Variants in BTK observed in about 807,000 individuals in gnomAD.
The protein encoded by BTK is Bruton tyrosine kinase, also known as tyrosine-protein kinase BTK.
BTK carries 5 observed loss-of-function variants against 57.4 expected under a neutral mutation model. That is an observed-to-expected ratio of 0.09 (90% CI 0.05 to 0.18). The LOEUF is 0.18. Ranked by LOEUF, BTK falls within the 10% of genes least tolerant of loss-of-function variation. The pLI, the probability that BTK is intolerant of heterozygous loss-of-function variation, is 1.00. For synonymous variants in BTK, 154 were observed against 174.3 expected, an observed-to-expected ratio of 0.88 and a Z score of 0.92; for missense variants, 194 against 501.2, an observed-to-expected ratio of 0.39 and a Z score of 5.85.
At position 101,352,481 on chromosome X, in the gene BTK, A is replaced by G. The variant is rs1926322453; in HGVS notation, c.1908+713T>C. ...CAGGCCAAGGTCAGAGAATGTGTGC[A>G]AGGCCTGGCGTGGTGGTTGATGCCT... is the stretch of plus-strand genomic sequence containing the variant. On this transcript the variant is annotated intron_variant, in intron 18 of 18. Transcript: ENST00000308731. Among the ~76,000 whole-genome samples, 8 of 111,392 alleles carry G rather than the reference A, an allele frequency of 7.2e-5. 1 individual carries two copies. The South Asian group carries it at 3.0e-3, about 42-fold the overall frequency.
intron 5 of BTK, among the ~76,000 whole-genome samples, chrX:101,365,036 G>A (rs1001833121): frequency 9.0e-6 from 1 of 111,475 alleles, no homozygotes; most frequent in Admixed American, 9.5e-5. Flanking sequence ...GAGCCACCAC[G>A]CCCAGCCCCT....
intron 18 of BTK, among the ~76,000 whole-genome samples, chrX:101,352,111 C>T (rs1006811524): frequency 6.8e-5 from 7 of 102,521 alleles, no homozygotes; most frequent in Non-Finnish European, 1.4e-4. Context: ...TGCGGTGAGC[C>T]GAGATCACGC....
At chrX:101,385,443 C>A (rs1455909635) in intron 1 of BTK, among the ~76,000 whole-genome samples, 2 of 112,258 alleles carry the variant, frequency 1.8e-5, no homozygotes, top group Non-Finnish European at 3.8e-5. Context: ...CTGGCCCAGT[C>A]TTTTACCCAT....
chrX:101,376,613 G>A (rs782767327), intron 1 of BTK, among the ~76,000 whole-genome samples: 1 of 110,797 alleles, frequency 9.0e-6, no homozygotes, highest in South Asian at 3.8e-4. Context: ...GGCAACAAGA[G>A]CGAAACTCCG....
upstream of BTK, among the ~76,000 whole-genome samples, chrX:101,388,845 G>A (rs1208062340): frequency 8.9e-6 from 1 of 111,909 alleles, no homozygotes; most frequent in East Asian, 2.8e-4. Context: ...TATCTAGACA[G>A]AGGAAGGTAA....
intron 2 of BTK, 149 bp from the exon 3 acceptor site, chrX:101,374,783 A>G (rs1927153965): frequency 1.1e-5 from 6 of 524,835 alleles, no homozygotes; most frequent in African/African-American, 6.9e-5. Flanking sequence ...TTCCAGATCT[A>G]TAAATCTATG....
chrX:101,367,571 G>C (rs1926897053), intron 5 of BTK, among the ~76,000 whole-genome samples: 1 of 109,617 alleles, frequency 9.1e-6, no homozygotes, highest in Non-Finnish European at 1.9e-5. Flanking sequence ...GGGAGGCGGA[G>C]GTTGCAGTGA....
chrX:101,382,041 A>G (rs1168557513), intron 1 of BTK, among the ~76,000 whole-genome samples: 3 of 108,481 alleles, frequency 2.8e-5, no homozygotes, highest in Non-Finnish European at 5.7e-5. Context: ...CAAAAAAAAA[A>G]AAAAAGAAAA....
Position 101,353,138 on chromosome X carries a change from T to C in BTK, c.1908+56A>G, listed in dbSNP as rs371003927. On this transcript the variant is annotated intron_variant, in intron 18 of 18. Transcript: ENST00000308731. ...AGTCTTTGGTGGCTGAATGGCCAGCTAAATGGGCAAGTAGATTCAAGGAAA... is the reference window on the plus strand; with the variant it reads ...AGTCTTTGGTGGCTGAATGGCCAGCCAAATGGGCAAGTAGATTCAAGGAAA... The C allele has an allele frequency of 1.4e-4, 159 of 1,117,512 alleles. 1 individual carries two copies. In the East Asian group the frequency reaches 3.6e-3, roughly 25 times the overall value. The allele number at this position is 1,117,512 out of a possible 1,213,427, so 92.1% of individuals were successfully genotyped here.
Position 101,375,754 on chromosome X carries a change from C to T in BTK, c.-30-440G>A, listed in dbSNP as rs782299444. 9.9e-4 allele frequency among the ~76,000 whole-genome samples: 111 copies of T among 112,038 alleles called. 1 individual carries two copies. Among genetic ancestry groups the T allele is most frequent in the Admixed American group, 5.3e-3 (56 of 10,492 alleles). On this transcript the variant is annotated intron_variant, in intron 1 of 18. Coordinates refer to ENST00000308731, the MANE Select transcript of BTK (RefSeq NM_000061.3). ...GAACTCCACTGAGGCAGATATTGGA[C>T]TTTCAGTTCCCAATTTCCTAGACGG...
chrX:101,369,030 A>G (rs144435099), intron 5 of BTK, among the ~76,000 whole-genome samples: 1 of 112,469 alleles, frequency 8.9e-6, no homozygotes, highest in Non-Finnish European at 1.9e-5. Flanking sequence ...CAGTCACTTG[A>G]CATGTGGCTA....
intron 3 of BTK, 106 bp downstream of exon 3, chrX:101,374,430 C>G (rs1927139264): frequency 1.5e-6 from 1 of 653,572 alleles, no homozygotes; most frequent in Non-Finnish European, 2.5e-6. Context: ...GAAACTTGAC[C>G]GTGTTCCACG....
chrX:101,362,082 T>C (rs1378036132), intron 7 of BTK, 91 bp downstream of exon 7: 1 of 930,933 alleles, frequency 1.1e-6, no homozygotes, highest in African/African-American at 1.9e-5. Context: ...CACTGCCAAG[T>C]CCCAGGGTAA....
At chrX:101,374,760 GA>G (rs1411851203) in intron 2 of BTK, 126 bp from the exon 3 acceptor site, 38 of 578,059 alleles carry the variant, frequency 6.6e-5, no homozygotes, top group Admixed American at 8.8e-5. Flanking sequence ...TGTGGGGGAA[GA>G]AAAAAAAATC....
At chrX:101,382,066 A>G (rs935676410) in intron 1 of BTK, among the ~76,000 whole-genome samples, 1 of 109,041 alleles carries the variant, frequency 9.2e-6, no homozygotes, top group African/African-American at 3.3e-5. Context: ...AAAAAAAATC[A>G]TACCCACAGC....
At chrX:101,371,107 G>A (rs1403454960) in intron 4 of BTK, among the ~76,000 whole-genome samples, 1 of 112,256 alleles carries the variant, frequency 8.9e-6, no homozygotes, top group Non-Finnish European at 1.9e-5. Context: ...TTCTCAGGAT[G>A]TAAGCAAGCC....
At chrX:101,387,418 C>G (rs782260374), upstream of BTK, among the ~76,000 whole-genome samples, 2 of 95,517 alleles carry the variant, frequency 2.1e-5, no homozygotes, top group African/African-American at 8.0e-5. Context: ...GTGGCGTGAT[C>G]ATGGCTCACT....
At chrX:101,356,380 A>T in intron 14 of BTK, 112 bp from the exon 15 acceptor site, 1 of 615,179 alleles carries the variant, frequency 1.6e-6, no homozygotes, top group Middle Eastern at 4.3e-4. Context: ...AAGGGGTCAC[A>T]CCAGCAAGTT....
chrX:101,388,517 G>A (rs782076187), upstream of BTK, among the ~76,000 whole-genome samples: 51 of 111,872 alleles, frequency 4.6e-4, no homozygotes, highest in Middle Eastern at 4.7e-3. Context: ...AAAGTAGCCC[G>A]GTTAGTCTAT....
Sources: allele counts gnomAD v4.1 joint callset (sites outside exome capture counted in the v4.1 genomes callset), GRCh38; gene constraint gnomAD v4.1.1; transcripts MANE v1.5; gene names NCBI Gene and HGNC (gene_info 2026-07-23, HGNC 2026-07-21).